The following PCDH10 variants were observed in gnomAD, a reference collection of about 807,000 sequenced individuals.
PCDH10 encodes the protein protocadherin 10, also known as protocadherin-10.
A neutral mutation model predicts 74.4 loss-of-function variants in PCDH10; 15 were observed. The ratio of observed to expected loss-of-function variants is 0.20; its 90% CI spans 0.13 to 0.31. The LOEUF (loss-of-function observed/expected upper bound fraction) is 0.31. Among genes scored for constraint, PCDH10 ranks in the 10% least tolerant of loss-of-function variants. PCDH10 has a pLI of 1.00. For synonymous variants in PCDH10, 619 were observed against 589.8 expected (o/e 1.05, Z -0.72); for missense variants, 1,260 against 1,390.2 (o/e 0.91, Z 1.49).
chr4:133,171,019 C>T (rs1727190991), intron 4 of PCDH10, among the ~76,000 whole-genome samples: 1 of 146,100 alleles, frequency 6.8e-6, no homozygotes. Context: ...GTTTACAGTG[C>T]TTAAGTATAG....
intron 4 of PCDH10, chr4:133,164,026 T>A (rs1295728589): frequency 2.2e-6 from 1 of 456,106 alleles, no homozygotes; most frequent in Admixed American, 2.4e-5. Flanking sequence ...AGGAATGGTC[T>A]TTTATTAGAT....
At position 133,193,668 on chromosome 4, in the gene PCDH10, C is replaced by T. The variant is rs1727729393; in HGVS notation, c.*3508C>T. ...TTTAAGTTATTGACTGATCATAGCA[C>T]TGTTATTTGTCATTGCATGTGTTTT... On this transcript the variant is annotated 3_prime_UTR_variant, in exon 5 of 5. Transcript: ENST00000264360. 6.6e-6 allele frequency: 1 copy of T among 151,678 alleles called. No individual in the cohort carries two copies. The highest frequency in any genetic ancestry group is 1.5e-5 in the Non-Finnish European group (1 of 67,700). The allele number at this position is 151,678 out of a possible 1,614,324, so 9.4% of individuals were successfully genotyped here.
chr4:133,151,574 T>A lies in PCDH10; in HGVS notation c.1434T>A (p.Pro478=). 1 of 1,613,974 alleles carries A rather than the reference T, an allele frequency of 6.2e-7. No homozygotes were observed. The highest frequency in any genetic ancestry group is 8.5e-7 in the Non-Finnish European group (1 of 1,180,000). The change falls in exon 1 of 5, where the codon CCT becomes CCA. Residue 478 remains proline, a synonymous_variant. Coordinates refer to ENST00000264360, the MANE Select transcript of PCDH10 (RefSeq NM_032961.3). ...TGTATGTGACTGAAAACAACGTGCCTGGCGCCTACATCTACGCGGTGAGCG... is the reference window on the plus strand; with the variant it reads ...TGTATGTGACTGAAAACAACGTGCCAGGCGCCTACATCTACGCGGTGAGCG... The part of the protein sequence containing the change: ...YDVYVTENNV[P]GAYIYAVSAT...
At chr4:133,163,311 A>G (rs1048171822) in intron 4 of PCDH10, 29 bp downstream of exon 4, 6 of 1,554,174 alleles carry the variant, frequency 3.9e-6, no homozygotes, top group African/African-American at 2.7e-5. Flanking sequence ...GCTCTGTTAA[A>G]GTGTTCCCTT....
At chr4:133,164,152 C>G (rs34777205) in intron 4 of PCDH10, 5 of 342,674 alleles carry the variant, frequency 1.5e-5, no homozygotes, top group African/African-American at 4.5e-5. Context: ...CACTTCAGAA[C>G]CAAAAAATCA....
chr4:133,186,961 G>A (rs990108046), intron 4 of PCDH10, among the ~76,000 whole-genome samples: 4 of 152,050 alleles, frequency 2.6e-5, no homozygotes, highest in Admixed American at 6.6e-5. Context: ...CAAGTGATCC[G>A]CTCGCCTCAA....
intron 4 of PCDH10, among the ~76,000 whole-genome samples, chr4:133,179,234 G>C (rs557154341): frequency 1.3e-5 from 2 of 152,202 alleles, no homozygotes; most frequent in South Asian, 4.2e-4. Flanking sequence ...AGTCCTTTCT[G>C]ACTAGCTTAC....
At chr4:133,166,825 A>G (rs1031516599) in intron 4 of PCDH10, among the ~76,000 whole-genome samples, 2 of 151,544 alleles carry the variant, frequency 1.3e-5, no homozygotes, top group Admixed American at 1.3e-4. Context: ...ATTGAAGACA[A>G]TCATAAGAAA....
At chr4:133,180,348 A>G (rs1727389709) in intron 4 of PCDH10, among the ~76,000 whole-genome samples, 1 of 152,084 alleles carries the variant, frequency 6.6e-6, no homozygotes, top group African/African-American at 2.4e-5. Context: ...GCTGGAGGCA[A>G]TTCACCTGAG....
In PCDH10 at chr4:133,163,226, A is replaced by G. The variant is rs756981553; in HGVS notation, c.3047A>G (p.Lys1016Arg). ...GCCCTTCACAGCACTCTGGAGAGGA[A>G]GGAGCTGGATGGACTGCTGACTAAT... ...EKALHSTLER[K>R]ELDGLLTNTR... Residue 1016 changes from lysine (K) to arginine (R), a missense_variant, in exon 4 of 5, where the codon AAG becomes AGG. Physicochemically the swap from Lys to Arg is conservative, Grantham distance 26 (BLOSUM62 2). Coordinates refer to ENST00000264360, the MANE Select transcript of PCDH10 (RefSeq NM_032961.3). 6 of 1,614,024 alleles carry G rather than the reference A, an allele frequency of 3.7e-6. No individual in the cohort carries two copies. The Admixed American group carries it at 5.0e-5, about 13-fold the overall frequency.
chr4:133,175,460 C>G (rs1363004422), intron 4 of PCDH10, among the ~76,000 whole-genome samples: 4 of 152,022 alleles, frequency 2.6e-5, no homozygotes, highest in African/African-American at 4.8e-5. Context: ...TAGAAATGTT[C>G]TCGTGGCCTG....
intron 4 of PCDH10, among the ~76,000 whole-genome samples, chr4:133,172,336 A>G (rs1309359138): frequency 6.6e-6 from 1 of 152,032 alleles, no homozygotes; most frequent in Non-Finnish European, 1.5e-5. Flanking sequence ...TTAAATTTCC[A>G]TAATTTTCTC....
At chr4:133,187,144 C>A (rs1332013133) in intron 4 of PCDH10, among the ~76,000 whole-genome samples, 1 of 152,054 alleles carries the variant, frequency 6.6e-6, no homozygotes, top group Non-Finnish European at 1.5e-5. Flanking sequence ...TCCTCTGTAT[C>A]CTTGGGCTCC....
chr4:133,156,242 T>A (rs115253822), intron 3 of PCDH10, among the ~76,000 whole-genome samples: 1 of 152,354 alleles, frequency 6.6e-6, no homozygotes, highest in African/African-American at 2.4e-5. Flanking sequence ...AGCCTCTCAC[T>A]TGGCTAATGT....
In PCDH10 at chr4:133,150,239, C is replaced by A. The variant is rs1427868771; in HGVS notation, c.99C>A (p.Phe33Leu). The part of the protein sequence containing the change: ...TVQEEQEHGT[F>L]VGNIAEDLGL... ...AGGAGGAGCAGGAACATGGCACTTT[C>A]GTGGGGAATATCGCTGAAGATCTGG... Residue 33 changes from phenylalanine (F) to leucine (L), a missense_variant, in exon 1 of 5, where the codon TTC becomes TTA. Phe to Leu is a conservative substitution (Grantham distance 22). Around this residue, in one of 11 missense-constraint regions of PCDH10, gnomAD observed 103 missense variants for 91.5 expected, o/e 1.13. Coordinates refer to ENST00000264360, the MANE Select transcript of PCDH10 (RefSeq NM_032961.3). 1 of 1,613,866 alleles carries A rather than the reference C, an allele frequency of 6.2e-7. No individual in the cohort carries two copies. The highest frequency in any genetic ancestry group is 8.5e-7 in the Non-Finnish European group (1 of 1,179,974).
intron 2 of PCDH10, among the ~76,000 whole-genome samples, chr4:133,205,313 T>C (rs554040040): frequency 6.6e-6 from 1 of 152,320 alleles, no homozygotes; most frequent in South Asian, 2.1e-4. Context: ...GCTTGACTCA[T>C]GTCAAATTTT....
chr4:133,196,898 C>T (rs1226893092), downstream of PCDH10, among the ~76,000 whole-genome samples: 1 of 152,184 alleles, frequency 6.6e-6, no homozygotes, highest in Admixed American at 6.5e-5. Context: ...AACCACTGAT[C>T]TTGGTTACCA....
rs1560707811 is a variant in PCDH10 at position 133,162,995 on chromosome 4, A to G, written c.2816A>G (p.Asn939Ser). The G allele has an allele frequency of 1.9e-6, 3 of 1,612,382 alleles. No individual in the cohort carries two copies. The highest frequency in any genetic ancestry group is 1.1e-5 in the South Asian group (1 of 91,038). ...AQSAGMDLFS[N>S]CTEECKALGH... ...CTTACAGGTATGGATCTCTTCTCCAATTGCACTGAGGAATGTAAAGCTCTG... is the reference window on the plus strand; with the variant it reads ...CTTACAGGTATGGATCTCTTCTCCAGTTGCACTGAGGAATGTAAAGCTCTG... The change falls in exon 4 of 5, where the codon AAT (asparagine) becomes AGT (serine). Residue 939 changes from asparagine to serine, a missense_variant. This residue lies in a region of PCDH10 where 136 missense variants were observed against 149.3 expected (regional missense o/e 0.91). Coordinates refer to ENST00000264360, the MANE Select transcript of PCDH10 (RefSeq NM_032961.3).
chr4:133,201,104 G>A (rs1435628364), intron 2 of PCDH10, among the ~76,000 whole-genome samples: 2 of 152,020 alleles, frequency 1.3e-5, no homozygotes, highest in East Asian at 1.9e-4. Flanking sequence ...ATATGAGTAC[G>A]TCTCCCAGAG....
Sources: allele counts gnomAD v4.1 joint callset (sites outside exome capture counted in the v4.1 genomes callset), GRCh38; gene constraint gnomAD v4.1.1; regional missense constraint gnomAD v4.1.1; transcripts MANE v1.5; gene names NCBI Gene and HGNC (gene_info 2026-07-23, HGNC 2026-07-21).